Variants in SRRM3 observed in about 807,000 individuals in gnomAD.
SRRM3 encodes serine/arginine repetitive matrix 3, also known as serine/arginine repetitive matrix protein 3.
A neutral mutation model predicts 66.2 loss-of-function variants in SRRM3; 27 were observed. That is an observed-to-expected ratio of 0.41 (90% CI 0.30 to 0.56). SRRM3 has a LOEUF of 0.56. Among genes scored for constraint, SRRM3 ranks in the 20% least tolerant of loss-of-function variants. The pLI is 0.32. For missense variants in SRRM3, 918 were observed against 991.9 expected, an observed-to-expected ratio of 0.93 and a Z score of 1.00; for synonymous variants, 391 against 414.9, an observed-to-expected ratio of 0.94 and a Z score of 0.70.
At chr7:76,227,428 G>A (rs1450929477) in intron 1 of SRRM3, among the ~76,000 whole-genome samples, 6 of 152,114 alleles carry the variant, frequency 3.9e-5, no homozygotes, top group African/African-American at 1.4e-4. Flanking sequence ...ACCCAGGCCA[G>A]AGACCCGGTG....
intron 3 of SRRM3, among the ~76,000 whole-genome samples, chr7:76,257,707 A>C (rs1356706666): frequency 6.6e-6 from 1 of 151,974 alleles, no homozygotes. Context: ...CAGGAGTTCA[A>C]GGCTGCAGCG....
chr7:76,202,390 C>T (rs1554600704), intron 1 of SRRM3, among the ~76,000 whole-genome samples: 1 of 152,128 alleles, frequency 6.6e-6, no homozygotes, highest in Non-Finnish European at 1.5e-5. Flanking sequence ...GGACCTGCTC[C>T]CCAGGGAAGG....
chr7:76,257,499 C>T (rs1416012825), intron 3 of SRRM3, among the ~76,000 whole-genome samples: 2 of 149,962 alleles, frequency 1.3e-5, no homozygotes, highest in African/African-American at 4.9e-5. Context: ...ACCTATAATC[C>T]TAGTACTTTG....
intron 8 of SRRM3, among the ~76,000 whole-genome samples, chr7:76,263,841 C>G (rs1554609076): frequency 7.3e-6 from 1 of 136,738 alleles, no homozygotes; most frequent in African/African-American, 2.8e-5. Flanking sequence ...CCACTGCACA[C>G]CAGCCTGGGC....
chr7:76,256,363 C>T (rs782475925), intron 3 of SRRM3, among the ~76,000 whole-genome samples: 2 of 151,900 alleles, frequency 1.3e-5, no homozygotes, highest in African/African-American at 2.4e-5. Flanking sequence ...AAAAATTGGC[C>T]GGGCGTGGTG....
intron 5 of SRRM3, among the ~76,000 whole-genome samples, chr7:76,260,462 C>T (rs1411811768): frequency 6.8e-6 from 1 of 147,612 alleles, no homozygotes; most frequent in Non-Finnish European, 1.5e-5. Flanking sequence ...GAGCCCCTCC[C>T]CTTCTCTGGG....
rs1331614412 is a variant in SRRM3, at chr7:76,264,950, AG to A, written c.725+136del. Reference sequence around the variant, plus strand: ...CAGATGGAAAAATTAAGATCTAGAAAGAAAGCCAAGGGCTCTTGCTGAGTCA... The same window carrying A: ...CAGATGGAAAAATTAAGATCTAGAAAAAAGCCAAGGGCTCTTGCTGAGTCA... On this transcript the variant is annotated intron_variant, in intron 9 of 14. Coordinates refer to ENST00000611745, the MANE Select transcript of SRRM3 (RefSeq NM_001110199.3). The A allele has an allele frequency of 2.1e-5, 21 of 1,002,696 alleles. 1 individual carries two copies. The African/African-American group carries it at 3.1e-4, about 15-fold the overall frequency. 62.1% of individuals were successfully genotyped at this position (1,002,696 alleles called of 1,614,324 possible).
intron 11 of SRRM3, among the ~76,000 whole-genome samples, chr7:76,276,042 T>G (rs1554611084): frequency 6.6e-6 from 1 of 151,922 alleles, no homozygotes; most frequent in Non-Finnish European, 1.5e-5. Flanking sequence ...ATTGCACCAT[T>G]GTACTCCAGT....
At chr7:76,227,769 G>T (rs1323766087) in intron 1 of SRRM3, among the ~76,000 whole-genome samples, 1 of 152,220 alleles carries the variant, frequency 6.6e-6, no homozygotes, top group Admixed American at 6.5e-5. Flanking sequence ...GTGAGTGTTT[G>T]TTGAGTGAAT....
At chr7:76,232,543 G>A (rs1801041340) in intron 1 of SRRM3, among the ~76,000 whole-genome samples, 1 of 152,000 alleles carries the variant, frequency 6.6e-6, no homozygotes, top group African/African-American at 2.4e-5. Flanking sequence ...CTGCACTCCA[G>A]CCTGGGTGAC....
chr7:76,271,118 C>T (rs1583933323), intron 11 of SRRM3, among the ~76,000 whole-genome samples: 1 of 152,064 alleles, frequency 6.6e-6, no homozygotes, highest in South Asian at 2.1e-4. Context: ...GAAACTGCAG[C>T]TCCGAGAGGT....
At chr7:76,255,877 G>A (rs910658792) in intron 3 of SRRM3, among the ~76,000 whole-genome samples, 6 of 152,238 alleles carry the variant, frequency 3.9e-5, no homozygotes, top group Admixed American at 2.0e-4. Flanking sequence ...GTGTTGCAGC[G>A]TCTTTTCTCC....
intron 1 of SRRM3, among the ~76,000 whole-genome samples, chr7:76,204,151 A>C (rs533111056): frequency 6.6e-6 from 1 of 152,152 alleles, no homozygotes; most frequent in African/African-American, 2.4e-5. Flanking sequence ...ACCTCCTGAG[A>C]TGGTCCATGG....
intron 2 of SRRM3, among the ~76,000 whole-genome samples, chr7:76,236,304 C>T (rs1436458873): frequency 7.6e-6 from 1 of 130,834 alleles, no homozygotes; most frequent in Non-Finnish European, 1.6e-5. Context: ...AGCAAAACTC[C>T]GTCTCAAAAA....
chr7:76,253,158 C>G (rs1801622690), intron 3 of SRRM3, among the ~76,000 whole-genome samples: 1 of 151,346 alleles, frequency 6.6e-6, no homozygotes, highest in Admixed American at 6.6e-5. Flanking sequence ...CAGAGCAAGA[C>G]TCCATCTCAA....
chr7:76,240,493 G>A (rs1801259271), intron 2 of SRRM3, among the ~76,000 whole-genome samples: 1 of 151,752 alleles, frequency 6.6e-6, no homozygotes, highest in Admixed American at 6.6e-5. Context: ...GGTGGCAGGT[G>A]CCTGTAGTCC....
At chr7:76,283,968 G>C (rs1443157360) in intron 14 of SRRM3, among the ~76,000 whole-genome samples, 1 of 152,178 alleles carries the variant, frequency 6.6e-6, no homozygotes, top group Admixed American at 6.5e-5. Flanking sequence ...TGGGAGATCG[G>C]TGTGCCTCTC....
intron 1 of SRRM3, among the ~76,000 whole-genome samples, chr7:76,214,938 G>T (rs1554602342): frequency 6.6e-6 from 1 of 151,478 alleles, no homozygotes; most frequent in Non-Finnish European, 1.5e-5. Flanking sequence ...ATCCCCAAGG[G>T]CTGTAAAGAC....
chr7:76,253,780 T>A (rs1212117824), intron 3 of SRRM3, among the ~76,000 whole-genome samples: 1 of 122,520 alleles, frequency 8.2e-6, no homozygotes, highest in African/African-American at 3.3e-5. Flanking sequence ...AGAGTGAAAC[T>A]CTGTTTCAAA....
Sources: allele counts gnomAD v4.1 joint callset (sites outside exome capture counted in the v4.1 genomes callset), GRCh38; gene constraint gnomAD v4.1.1; transcripts MANE v1.5; gene names NCBI Gene and HGNC (gene_info 2026-07-23, HGNC 2026-07-21).